The following DGKA variants were observed in gnomAD, a reference collection of about 807,000 sequenced individuals.
The protein encoded by DGKA is diacylglycerol kinase alpha.
DGKA carries 35 observed loss-of-function variants against 105.0 expected under a neutral mutation model. The observed-to-expected ratio is 0.33, with a 90% CI of 0.25 to 0.44. The LOEUF is 0.44. Among genes scored for constraint, DGKA ranks in the 20% least tolerant of loss-of-function variants. DGKA has a pLI of 1.00. For missense variants in DGKA, 665 were observed against 915.0 expected (o/e 0.73, Z 3.53); for synonymous variants, 296 against 332.0 (o/e 0.89, Z 1.18).
In DGKA at chr12:55,940,531, C is replaced by T; in HGVS notation, c.919-93C>T. ...CACCTCCTTTACAGGCACAGTTGCC[C>T]CTGCTCCCAAGGGCTCTTTCCAGCC... On this transcript the variant is annotated intron_variant, in intron 11 of 23. Transcript: ENST00000331886. The surrounding 1 kb of genome is among the most constrained non-coding windows in gnomAD (Gnocchi z 4.3). 1 of 1,575,112 alleles carries T rather than the reference C, an allele frequency of 6.3e-7. No homozygotes were observed. The highest frequency in any genetic ancestry group is 8.6e-7 in the Non-Finnish European group (1 of 1,160,506).
chr12:55,951,707 T>A lies in DGKA; in HGVS notation c.1511T>A (p.Val504Glu), dbSNP rs1367568235. 6.2e-7 allele frequency: 1 copy of A among 1,613,800 alleles called. No individual in the cohort carries two copies. Among genetic ancestry groups the A allele is most frequent in the Non-Finnish European group, 8.5e-7 (1 of 1,179,992 alleles). The change falls in exon 18 of 24, where the codon GTG becomes GAG. Residue 504 changes from valine to glutamate, a missense_variant. By Grantham distance (121) the Val-to-Glu change is moderately radical. Coordinates refer to ENST00000331886, the MANE Select transcript of DGKA (RefSeq NM_001345.5). ...VVHMDRWSVE[V>E]IPQQTEEKSD... Reference sequence around the variant, plus strand: ...CATATGGATCGATGGTCTGTGGAGGTGATACCTCAACAAACTGAAGAAAAA... The same window carrying A: ...CATATGGATCGATGGTCTGTGGAGGAGATACCTCAACAAACTGAAGAAAAA...
chr12:55,927,442 G>A (rs1292338692), upstream of DGKA: 1 of 704,442 alleles, frequency 1.4e-6, no homozygotes, highest in African/African-American at 1.8e-5. Context: ...AAGGGCGCAA[G>A]GCCCACCTGC....
At position 55,937,416 on chromosome 12, in the gene DGKA, G is replaced by T; in HGVS notation, c.147G>T (p.Gly49=). ...GCTCACTCTCATTATAGGCCATTGG[G>T]TACGAGGGATTCCAGCAATTCCTGA... is the stretch of plus-strand genomic sequence containing the variant. ...MAKYVQGDAI[G]YEGFQQFLKI... Residue 49 remains glycine (G), a synonymous_variant, in exon 4 of 24, where the codon GGG becomes GGT. Transcript: ENST00000331886. 2 of 1,613,964 alleles carry T rather than the reference G, an allele frequency of 1.2e-6. No homozygotes were observed. Among genetic ancestry groups the T allele is most frequent in the Non-Finnish European group, 1.7e-6 (2 of 1,179,894 alleles).
Position 55,937,408 on chromosome 12 carries a change from G to A in DGKA, c.139G>A (p.Ala47Thr), listed in dbSNP as rs567780593. ...GEMAKYVQGD[A>T]IGYEGFQQFL... is the part of the protein sequence containing the mutation. ...AGGATAATGCTCACTCTCATTATAG[G>A]CCATTGGGTACGAGGGATTCCAGCA... The change falls in exon 4 of 24, where the codon GCC (alanine) becomes ACC (threonine). Residue 47 changes from alanine to threonine, a missense_variant and splice_region_variant. By Grantham distance (58) the Ala-to-Thr change is moderately conservative (BLOSUM62 0). Around this residue, in one of 3 missense-constraint regions of DGKA, gnomAD observed 504 missense variants for 681.2 expected, o/e 0.74. Transcript: ENST00000331886. The A allele has an allele frequency of 3.1e-6, 5 of 1,613,704 alleles. No individual in the cohort carries two copies. In the South Asian group the frequency reaches 5.5e-5, roughly 18 times the overall value.
At chr12:55,930,203 G>A (rs568640833), upstream of DGKA, among the ~76,000 whole-genome samples, 95 of 152,202 alleles carry the variant, frequency 6.2e-4, no homozygotes, top group African/African-American at 2.2e-3. Context: ...GTTTTTGCTT[G>A]TATTGCAGAA....
rs1472174695 is a variant in DGKA, at chr12:55,932,498, C to T, written c.-82+1154C>T. 1.4e-6 allele frequency: 1 copy of T among 701,860 alleles called. No homozygotes were observed. The highest frequency in any genetic ancestry group is 1.5e-5 in the South Asian group (1 of 67,546). The allele number at this position is 701,860 out of a possible 1,614,324, so 43.5% of individuals were successfully genotyped here. A position where few individuals can be genotyped will look rare whatever the true frequency, so the allele number is the denominator to read the frequency against. Reference sequence around the variant, plus strand: ...CCCAACTTCCCACCCCATCCTCTCCCCACCTGTCACTGGGAAGTTTCTGAA... The same window carrying T: ...CCCAACTTCCCACCCCATCCTCTCCTCACCTGTCACTGGGAAGTTTCTGAA... On this transcript the variant is annotated intron_variant, in intron 1 of 23. Transcript: ENST00000331886. The surrounding 1 kb of genome is among the most constrained non-coding windows in gnomAD (Gnocchi z 4.3).
rs1883771771 is a variant in DGKA at position 55,932,413 on chromosome 12, T to A, written c.-82+1069T>A. 1 of 620,778 alleles carries A rather than the reference T, an allele frequency of 1.6e-6. No homozygotes were observed. The allele number at this position is 620,778 out of a possible 1,614,324, so 38.5% of individuals were successfully genotyped here. On this transcript the variant is annotated intron_variant, in intron 1 of 23. Transcript: ENST00000331886. This position sits in a 1 kb window ranked among gnomAD's most constrained non-coding sequence, Gnocchi z 4.3. ...TGGGACCCGACTCGGAGGGAAGTCC[T>A]CTTCGGAACCTCCACAGTGCCGCAC...
intron 16 of DGKA, 21 bp downstream of exon 16, chr12:55,942,104 G>A (rs770275659): frequency 6.2e-7 from 1 of 1,614,012 alleles, no homozygotes; most frequent in Non-Finnish European, 8.5e-7. Flanking sequence ...GGAGGGGCGT[G>A]GGGAAGGTAT....
chr12:55,939,128 G>C, intron 7 of DGKA, 58 bp from the exon 8 acceptor site: 1 of 1,606,216 alleles, frequency 6.2e-7, no homozygotes, highest in Non-Finnish European at 8.5e-7. Context: ...AGGCAGTGGA[G>C]AGGTGTTGGG....
chr12:55,938,168 G>A (rs908077975), intron 5 of DGKA, 116 bp downstream of exon 5: 1 of 961,328 alleles, frequency 1.0e-6, no homozygotes, highest in Admixed American at 2.2e-5. Flanking sequence ...CTAGACAAAG[G>A]TGGGGCCAGA....
chr12:55,932,250 G>C lies in DGKA; in HGVS notation c.-82+906G>C, dbSNP rs146936890. On this transcript the variant is annotated intron_variant, in intron 1 of 23. Coordinates refer to ENST00000331886, the MANE Select transcript of DGKA (RefSeq NM_001345.5). This position sits in a 1 kb window ranked among gnomAD's most constrained non-coding sequence, Gnocchi z 4.3. ...CGGGAAGGAGGAAGCGTGACAGCTG[G>C]AGCGGGTATCGAGAAGGGTCTGCGC... The C allele has an allele frequency of 6.0e-3, 2,584 of 431,306 alleles. 86 individuals are homozygous for C. In the Admixed American group the frequency reaches 0.061, roughly 10 times the overall value. The allele number at this position is 431,306 out of a possible 1,614,324, so 26.7% of individuals were successfully genotyped here.
chr12:55,945,415 G>T lies in DGKA; in HGVS notation c.1426+3152G>T, dbSNP rs370050500. 5.2e-4 allele frequency among the ~76,000 whole-genome samples: 79 copies of T among 152,298 alleles called. 1 individual carries two copies. The East Asian group carries it at 0.01, about 19-fold the overall frequency. ...AGGAGTTATTAAAGGGTCTGCATTA[G>T]CGTCCCATTGCTGCTGTCGCCAATT... On this transcript the variant is annotated intron_variant, in intron 17 of 23. Coordinates refer to ENST00000331886, the MANE Select transcript of DGKA (RefSeq NM_001345.5).
chr12:55,950,394 C>T (rs1887925244), intron 17 of DGKA, among the ~76,000 whole-genome samples: 1 of 151,922 alleles, frequency 6.6e-6, no homozygotes, highest in Non-Finnish European at 1.5e-5. Context: ...GCAAGCTCCA[C>T]CTCCTGGGTT....
upstream of DGKA, among the ~76,000 whole-genome samples, chr12:55,928,955 A>G (rs568175603): frequency 6.6e-6 from 1 of 152,090 alleles, no homozygotes; most frequent in Non-Finnish European, 1.5e-5. Context: ...CAGGAGTTCG[A>G]GACCAGCCAT....
At chr12:55,936,337 G>A in intron 1 of DGKA, 86 bp from the exon 2 acceptor site, 2 of 1,372,396 alleles carry the variant, frequency 1.5e-6, no homozygotes, top group Non-Finnish European at 1.9e-6. Context: ...AATAATAGTG[G>A]GAGTAGAGAC....
Position 55,953,095 on chromosome 12 carries a change from C to G in DGKA, c.1998C>G (p.Gly666=). ...GGCTGGAGGGTGCAATTGAGATGGG[C>G]CAAATCTATACCAAGCTCAAGAATG... ...VVGLEGAIEM[G]QIYTKLKNAG... The change falls in exon 22 of 24, where the codon GGC becomes GGG. Residue 666 remains glycine, a synonymous_variant. Transcript: ENST00000331886. 1 of 1,614,076 alleles carries G rather than the reference C, an allele frequency of 6.2e-7. No homozygotes were observed. The highest frequency in any genetic ancestry group is 2.2e-5 in the East Asian group (1 of 44,872).
chr12:55,939,521 G>A lies in DGKA; in HGVS notation c.701G>A (p.Ser234Asn). 1 of 1,614,146 alleles carries A rather than the reference G, an allele frequency of 6.2e-7. No individual in the cohort carries two copies. Among genetic ancestry groups the A allele is most frequent in the South Asian group, 1.1e-5 (1 of 91,084 alleles). Residue 234 changes from serine (S) to asparagine (N), a missense_variant, in exon 9 of 24, where the codon AGC (serine) becomes AAC (asparagine). Around this residue, in one of 3 missense-constraint regions of DGKA, gnomAD observed 504 missense variants for 681.2 expected, o/e 0.74. Coordinates refer to ENST00000331886, the MANE Select transcript of DGKA (RefSeq NM_001345.5). ...SSIGLGKQGL[S>N]CNLCKYTVHD... ...ATTGGTCTTGGCAAACAGGGACTGA[G>A]CTGTAACCGTGAGTAATGGGAGCTG...
chr12:55,951,114 A>G (rs1003972261), intron 17 of DGKA, among the ~76,000 whole-genome samples: 77 of 152,094 alleles, frequency 5.1e-4, no homozygotes, highest in African/African-American at 1.7e-3. Flanking sequence ...CATTTATTGA[A>G]TAATCTGTCT....
At chr12:55,939,079 G>T (rs1885362660) in intron 7 of DGKA, 90 bp downstream of exon 7, 3 of 1,607,288 alleles carry the variant, frequency 1.9e-6, no homozygotes, top group South Asian at 2.2e-5. Context: ...CAGGCAACCT[G>T]GTTCCCTTGG....
Sources: allele counts gnomAD v4.1 joint callset (sites outside exome capture counted in the v4.1 genomes callset), GRCh38; gene constraint gnomAD v4.1.1; regional missense constraint gnomAD v4.1.1; non-coding constraint Gnocchi (gnomAD v3.1); transcripts MANE v1.5; gene names NCBI Gene and HGNC (gene_info 2026-07-23, HGNC 2026-07-21).